SLC9A9: variants seen among roughly 807,000 people sequenced by gnomAD.
SLC9A9 encodes the protein sodium/hydrogen exchanger 9.
A neutral mutation model predicts 77.8 loss-of-function variants in SLC9A9; 62 were observed. The observed-to-expected ratio is 0.80, with a 90% CI of 0.65 to 0.98. The LOEUF is 0.98. SLC9A9 is among the 50% of genes least tolerant of loss of function. The pLI is 0.00. For missense variants in SLC9A9, 775 were observed against 774.9 expected, an observed-to-expected ratio of 1.00 and a Z score of 0.00; for synonymous variants, 320 against 283.5, an observed-to-expected ratio of 1.13 and a Z score of -1.29.
chr3:143,502,831 G>A (rs1295251686), intron 9 of SLC9A9, among the ~76,000 whole-genome samples: 1 of 151,904 alleles, frequency 6.6e-6, no homozygotes, highest in Non-Finnish European at 1.5e-5. Flanking sequence ...AATTAATCTT[G>A]GCTTATATTT....
intron 8 of SLC9A9, among the ~76,000 whole-genome samples, chr3:143,573,747 A>C (rs1406192126): frequency 6.6e-6 from 1 of 152,048 alleles, no homozygotes; most frequent in African/African-American, 2.4e-5. Context: ...CTTCTCTACA[A>C]AGCAGTTGTG....
intron 14 of SLC9A9, among the ~76,000 whole-genome samples, chr3:143,289,463 C>G (rs1938474393): frequency 6.6e-6 from 1 of 152,176 alleles, no homozygotes; most frequent in African/African-American, 2.4e-5. Flanking sequence ...TTTGTCCTGT[C>G]CAAAACGAAG....
chr3:143,283,618 C>T (rs773302814), intron 14 of SLC9A9, among the ~76,000 whole-genome samples: 1 of 152,188 alleles, frequency 6.6e-6, no homozygotes, highest in Non-Finnish European at 1.5e-5. Flanking sequence ...TGGAAGGGTG[C>T]GTCACTCTTG....
intron 4 of SLC9A9, among the ~76,000 whole-genome samples, chr3:143,722,289 C>T (rs1014313524): frequency 4.6e-5 from 7 of 151,706 alleles, no homozygotes; most frequent in South Asian, 4.2e-4. Flanking sequence ...CTGGCTAAAG[C>T]GGTGAAACCC....
At chr3:143,503,267 C>T in intron 9 of SLC9A9, 1 of 243,742 alleles carries the variant, frequency 4.1e-6, no homozygotes, top group Non-Finnish European at 8.1e-6. Context: ...GTCACTGGGG[C>T]TGGTGGTCTA....
chr3:143,717,766 A>G (rs1934392656), intron 4 of SLC9A9, among the ~76,000 whole-genome samples: 1 of 152,208 alleles, frequency 6.6e-6, no homozygotes, highest in Non-Finnish European at 1.5e-5. Flanking sequence ...TTTTTCTTCC[A>G]GTAAAGTCTT....
chr3:143,694,785 A>C (rs1024076010), intron 4 of SLC9A9, among the ~76,000 whole-genome samples: 4 of 152,146 alleles, frequency 2.6e-5, no homozygotes. Context: ...CATGTAGTAC[A>C]CCCTCAACCA....
At chr3:143,582,529 C>G (rs1049241837) in intron 6 of SLC9A9, among the ~76,000 whole-genome samples, 1 of 152,156 alleles carries the variant, frequency 6.6e-6, no homozygotes, top group Non-Finnish European at 1.5e-5. Context: ...TGACTGCCCT[C>G]AGGGCACACC....
At chr3:143,386,080 C>T (rs189697536) in intron 12 of SLC9A9, among the ~76,000 whole-genome samples, 1 of 152,308 alleles carries the variant, frequency 6.6e-6, no homozygotes, top group Non-Finnish European at 1.5e-5. Context: ...TGATCACCAC[C>T]TTGTCCCATC....
intron 1 of SLC9A9, among the ~76,000 whole-genome samples, chr3:143,833,402 C>T (rs2009488779): frequency 6.6e-6 from 1 of 152,174 alleles, no homozygotes; most frequent in Admixed American, 6.5e-5. Context: ...TAAAACATGA[C>T]ATGTGCTATG....
chr3:143,817,895 A>G (rs1343241262), intron 2 of SLC9A9, among the ~76,000 whole-genome samples: 5 of 152,236 alleles, frequency 3.3e-5, no homozygotes, highest in Non-Finnish European at 2.9e-5. Flanking sequence ...GTGAAAATTT[A>G]GAAACAACTA....
intron 4 of SLC9A9, among the ~76,000 whole-genome samples, chr3:143,754,983 G>T (rs1305260712): frequency 6.6e-6 from 1 of 152,134 alleles, no homozygotes; most frequent in Non-Finnish European, 1.5e-5. Context: ...GCTTGACTTG[G>T]TTTATAGCAC....
chr3:143,447,990 G>C (rs1023475893), intron 12 of SLC9A9, among the ~76,000 whole-genome samples: 2 of 152,180 alleles, frequency 1.3e-5, no homozygotes, highest in African/African-American at 4.8e-5. Context: ...CTGAATAAAT[G>C]TGAATGAATG....
chr3:143,701,725 A>T (rs1933807290), intron 4 of SLC9A9, among the ~76,000 whole-genome samples: 1 of 152,178 alleles, frequency 6.6e-6, no homozygotes, highest in Admixed American at 6.6e-5. Context: ...GAAGTAGTGA[A>T]AGAGATAGAG....
chr3:143,440,809 T>C (rs2034720021), intron 12 of SLC9A9, among the ~76,000 whole-genome samples: 2 of 152,224 alleles, frequency 1.3e-5, no homozygotes, highest in South Asian at 2.1e-4. Context: ...CGTTTAAATA[T>C]ATTCATGGAC....
chr3:143,640,019 CTTTTTTT>C (rs10575577), intron 6 of SLC9A9, among the ~76,000 whole-genome samples: 66,221 of 123,696 alleles, frequency 0.54, 16,448 homozygotes, highest in Non-Finnish European at 0.55. Flanking sequence ...CTTTTTTTTT[CTTTTTTT>C]TTTTTTTTTT....
chr3:143,423,597 A>T (rs915519068), intron 12 of SLC9A9, among the ~76,000 whole-genome samples: 4 of 152,220 alleles, frequency 2.6e-5, no homozygotes, highest in African/African-American at 9.6e-5. Context: ...TGGTAGTTAC[A>T]AATGAAAGTC....
chr3:143,636,866 G>T (rs761939585), intron 6 of SLC9A9, among the ~76,000 whole-genome samples: 6 of 152,024 alleles, frequency 3.9e-5, no homozygotes, highest in Non-Finnish European at 7.4e-5. Context: ...CTACACTAAG[G>T]CTATCTATAA....
At chr3:143,778,694 C>T (rs1003210618) in intron 4 of SLC9A9, among the ~76,000 whole-genome samples, 2 of 152,206 alleles carry the variant, frequency 1.3e-5, no homozygotes, top group East Asian at 1.9e-4. Context: ...AAGAGAAAAA[C>T]CTTCGGGGAG....
Sources: allele counts gnomAD v4.1 joint callset (sites outside exome capture counted in the v4.1 genomes callset), GRCh38; gene constraint gnomAD v4.1.1; transcripts MANE v1.5; gene names NCBI Gene and HGNC (gene_info 2026-07-23, HGNC 2026-07-21).